The following SDHC variants were observed in gnomAD, a reference collection of about 807,000 sequenced individuals.
SDHC encodes the protein succinate dehydrogenase cytochrome b560 subunit, mitochondrial.
SDHC carries 11 observed loss-of-function variants against 22.6 expected under a neutral mutation model. The ratio of observed to expected loss-of-function variants is 0.49; its 90% CI spans 0.31 to 0.81. SDHC has a LOEUF of 0.81. Ranked by LOEUF, SDHC falls within the 30% of genes least tolerant of loss-of-function variation. SDHC has a pLI of 0.05. For synonymous variants in SDHC, 80 were observed against 77.8 expected, an observed-to-expected ratio of 1.03 and a Z score of -0.15; for missense variants, 160 against 212.0, an observed-to-expected ratio of 0.75 and a Z score of 1.52.
intron 4 of SDHC, among the ~76,000 whole-genome samples, chr1:161,350,521 C>T (rs377559739): frequency 6.6e-6 from 1 of 152,262 alleles, no homozygotes; most frequent in South Asian, 2.1e-4. Context: ...GTTCCAGACT[C>T]ATAAAAACAT....
chr1:161,348,323 T>A (rs1021641639), intron 4 of SDHC, among the ~76,000 whole-genome samples: 8 of 151,722 alleles, frequency 5.3e-5, no homozygotes, highest in African/African-American at 1.9e-4. Flanking sequence ...CATGCCTGGC[T>A]AATTTTTGTA....
intron 3 of SDHC, among the ~76,000 whole-genome samples, chr1:161,332,359 A>T (rs1265375738): frequency 6.6e-6 from 1 of 152,178 alleles, no homozygotes; most frequent in Non-Finnish European, 1.5e-5. Context: ...TCAGGTTGCC[A>T]CTTCAGTAGA....
chr1:161,324,982 C>T (rs1409271081), intron 2 of SDHC, among the ~76,000 whole-genome samples: 3 of 152,148 alleles, frequency 2.0e-5, no homozygotes, highest in Non-Finnish European at 4.4e-5. Flanking sequence ...AGAAGGATAG[C>T]TTGAGGCCAG....
Position 161,323,596 on chromosome 1 carries a change from G to A in SDHC, c.21-18G>A. ...GATCTCTAAATGTGTATTGATTTTTGATTCTCTTATCTTGCAGACACGTTG... is the reference window on the plus strand; with the variant it reads ...GATCTCTAAATGTGTATTGATTTTTAATTCTCTTATCTTGCAGACACGTTG... On this transcript the variant is annotated intron_variant, in intron 1 of 5. Transcript: ENST00000367975. 6.2e-7 allele frequency: 1 copy of A among 1,608,654 alleles called. No individual in the cohort carries two copies. The highest frequency in any genetic ancestry group is 8.5e-7 in the Non-Finnish European group (1 of 1,175,242).
intron 3 of SDHC, among the ~76,000 whole-genome samples, chr1:161,329,164 C>G (rs1671181871): frequency 1.3e-5 from 2 of 152,078 alleles, no homozygotes; most frequent in African/African-American, 4.8e-5. Context: ...CCTCGGCCTC[C>G]CAAAGTGCTG....
At chr1:161,350,599 T>G (rs1028743505) in intron 4 of SDHC, among the ~76,000 whole-genome samples, 7 of 152,122 alleles carry the variant, frequency 4.6e-5, no homozygotes, top group Non-Finnish European at 1.0e-4. Flanking sequence ...TTAAAAAAAA[T>G]CAAAGATAGC....
chr1:161,354,056 G>A (rs1043534089), intron 4 of SDHC, among the ~76,000 whole-genome samples: 24 of 151,850 alleles, frequency 1.6e-4, no homozygotes, highest in Non-Finnish European at 2.6e-4. Context: ...TCATTATGTT[G>A]CCCAGGCTGG....
rs766609909 is a variant in SDHC, at chr1:161,327,503, C to T, written c.78-893C>T. On this transcript the variant is annotated intron_variant, in intron 2 of 5. Coordinates refer to ENST00000367975, the MANE Select transcript of SDHC (RefSeq NM_003001.5). ...TCCTTAGCTGTAAACATGTTAGAACCGTGGGTTGTCACTGGCAAGGAATGT... is the reference window on the plus strand; with the variant it reads ...TCCTTAGCTGTAAACATGTTAGAACTGTGGGTTGTCACTGGCAAGGAATGT... Among the ~76,000 whole-genome samples, 12 of 152,204 alleles carry T rather than the reference C, an allele frequency of 7.9e-5. No individual in the cohort carries two copies. The South Asian group carries it at 1.0e-3, about 13-fold the overall frequency.
At chr1:161,346,541 G>A (rs1484134812) in intron 4 of SDHC, among the ~76,000 whole-genome samples, 2 of 152,176 alleles carry the variant, frequency 1.3e-5, no homozygotes, top group South Asian at 2.1e-4. Flanking sequence ...TGGGATTACA[G>A]GCATGCACCA....
In SDHC at chr1:161,361,996, TA is replaced by T. The variant is rs1319081436; in HGVS notation, c.406-331del. Among the ~76,000 whole-genome samples the T allele has an allele frequency of 2.6e-5, 4 of 152,204 alleles. No individual in the cohort carries two copies. The East Asian group carries it at 5.8e-4, about 22-fold the overall frequency. ...TGGAAGAATACACCTTGAGAAACATTAATCTAGATGTGTGGTCCTGAGGAAA... is the reference window on the plus strand; with the variant it reads ...TGGAAGAATACACCTTGAGAAACATTATCTAGATGTGTGGTCCTGAGGAAA... On this transcript the variant is annotated intron_variant, in intron 5 of 5. Transcript: ENST00000367975.
chr1:161,325,117 A>G (rs866372797), intron 2 of SDHC, among the ~76,000 whole-genome samples: 4 of 152,100 alleles, frequency 2.6e-5, no homozygotes, highest in Admixed American at 6.5e-5. Context: ...TAAGGCAGGA[A>G]GATGGCTTGA....
chr1:161,349,693 A>C (rs992430464), intron 4 of SDHC, among the ~76,000 whole-genome samples: 8 of 152,150 alleles, frequency 5.3e-5, no homozygotes, highest in African/African-American at 1.9e-4. Context: ...TTGATTCTTA[A>C]ATATCATCTG....
chr1:161,355,962 G>A (rs1000252441), intron 4 of SDHC, among the ~76,000 whole-genome samples: 1 of 146,636 alleles, frequency 6.8e-6, no homozygotes, highest in Non-Finnish European at 1.5e-5. Flanking sequence ...TCTAGCCTGG[G>A]CAACAGAGCG....
At chr1:161,337,058 T>TG (rs139448015) in intron 3 of SDHC, among the ~76,000 whole-genome samples, 16,633 of 140,808 alleles carry the variant, frequency 0.12, 1,259 homozygotes, top group African/African-American at 0.23. Flanking sequence ...TTTGTAGAAA[T>TG]GGGTTTTTTT....
At chr1:161,344,501 C>A (rs1298607522) in intron 4 of SDHC, among the ~76,000 whole-genome samples, 1 of 151,748 alleles carries the variant, frequency 6.6e-6, no homozygotes, top group South Asian at 2.1e-4. Context: ...TCTGTCTTTA[C>A]CCCTTTGAAT....
At chr1:161,344,756 A>G (rs1671837729) in intron 4 of SDHC, among the ~76,000 whole-genome samples, 1 of 152,218 alleles carries the variant, frequency 6.6e-6, no homozygotes, top group Admixed American at 6.5e-5. Flanking sequence ...AATAATGCCT[A>G]TCTCAGAATT....
chr1:161,342,741 C>T (rs1014283209), intron 4 of SDHC, among the ~76,000 whole-genome samples: 2 of 152,002 alleles, frequency 1.3e-5, no homozygotes, highest in Admixed American at 6.6e-5. Flanking sequence ...GTAATCTGCC[C>T]GCCTCGGCCT....
chr1:161,331,887 G>A (rs150914532), intron 3 of SDHC, among the ~76,000 whole-genome samples: 4 of 152,270 alleles, frequency 2.6e-5, no homozygotes, highest in Non-Finnish European at 4.4e-5. Flanking sequence ...GAGCCACCGC[G>A]CCTGGCAACA....
chr1:161,346,879 T>C lies in SDHC; in HGVS notation c.241+6224T>C, dbSNP rs115642304. On this transcript the variant is annotated intron_variant, in intron 4 of 5. Coordinates refer to ENST00000367975, the MANE Select transcript of SDHC (RefSeq NM_003001.5). Reference sequence around the variant, plus strand: ...GATATATCCTATGTACATCATATACTTAAAATTATCTCTAGATTACTTATA... The same window carrying C: ...GATATATCCTATGTACATCATATACCTAAAATTATCTCTAGATTACTTATA... 6.1e-3 allele frequency among the ~76,000 whole-genome samples: 932 copies of C among 152,330 alleles called. 9 individuals carry two copies. Among genetic ancestry groups the C allele is most frequent in the Middle Eastern group, 0.017 (5 of 294 alleles).
Sources: gnomAD v4.1 joint callset for allele counts (sites outside exome capture counted in the v4.1 genomes callset) on GRCh38, gnomAD v4.1.1 for gene constraint, MANE v1.5 for transcripts, NCBI Gene and HGNC (gene_info 2026-07-23, HGNC 2026-07-21) for gene names.